RFPL1: variants seen among roughly 807,000 people sequenced by gnomAD.
RFPL1 encodes ret finger protein like 1.
Under a neutral mutation model 9.6 loss-of-function variants are expected in RFPL1, and 6 were observed. The ratio of observed to expected loss-of-function variants is 0.62; its 90% confidence interval spans 0.34 to 1.23. The LOEUF is 1.23. Among genes scored for constraint, RFPL1 ranks in the 50% most tolerant of loss-of-function variants. RFPL1 has a pLI of 0.03. For synonymous variants in RFPL1, 145 were observed against 149.4 expected, an observed-to-expected ratio of 0.97 and a Z score of 0.22; for missense variants, 352 against 398.4, an observed-to-expected ratio of 0.88 and a Z score of 0.99.
chr22:29,420,626 GTTTTTTGC>G, the RFPL1 span, among the ~76,000 whole-genome samples: 4 of 82,586 alleles, frequency 4.8e-5, 1 homozygote, highest in South Asian at 5.3e-4. Context: ...ACTGCAGATG[GTTTTTTGC>G]TTTTTTTTTT....
the RFPL1 span, among the ~76,000 whole-genome samples, chr22:29,397,149 T>A: frequency 6.6e-6 from 1 of 151,950 alleles, no homozygotes; most frequent in African/African-American, 2.4e-5. Context: ...GACCTCGTGA[T>A]CCGCCCACCT....
At chr22:29,408,782 G>A in the RFPL1 span, among the ~76,000 whole-genome samples, 1 of 152,174 alleles carries the variant, frequency 6.6e-6, no homozygotes, top group Non-Finnish European at 1.5e-5. Context: ...GGTAGTGAGT[G>A]TATTTCTCAG....
the RFPL1 span, among the ~76,000 whole-genome samples, chr22:29,415,795 T>C: frequency 1.3e-5 from 2 of 152,180 alleles, no homozygotes; most frequent in Non-Finnish European, 2.9e-5. Flanking sequence ...TGAGCAAGCA[T>C]GGGGTACGTG....
At chr22:29,392,899 G>A in the RFPL1 span, among the ~76,000 whole-genome samples, 1 of 152,150 alleles carries the variant, frequency 6.6e-6, no homozygotes, top group Non-Finnish European at 1.5e-5. Flanking sequence ...AGCCCCAGCT[G>A]TCATGAGTTT....
At chr22:29,419,513 G>A in the RFPL1 span, among the ~76,000 whole-genome samples, 27 of 152,196 alleles carry the variant, frequency 1.8e-4, no homozygotes, top group Admixed American at 3.3e-4. Flanking sequence ...ACTTTAAGAG[G>A]CTGAGGATCA....
chr22:29,420,748 C>T, the RFPL1 span, among the ~76,000 whole-genome samples: 1 of 146,594 alleles, frequency 6.8e-6, no homozygotes, highest in Non-Finnish European at 1.5e-5. Flanking sequence ...TCAAGCAATT[C>T]TCCTGCCTCA....
chr22:29,408,595 G>T, the RFPL1 span, among the ~76,000 whole-genome samples: 3 of 152,218 alleles, frequency 2.0e-5, no homozygotes, highest in Non-Finnish European at 4.4e-5. Flanking sequence ...CTCTGGAAGA[G>T]AAATGCTTTT....
At chr22:29,428,565 G>T in the RFPL1 span, among the ~76,000 whole-genome samples, 2 of 152,280 alleles carry the variant, frequency 1.3e-5, no homozygotes, top group East Asian at 3.9e-4. Context: ...CAGCACATGG[G>T]ATCCTCTCCA....
chr22:29,399,423 C>T, the RFPL1 span, among the ~76,000 whole-genome samples: 1 of 152,162 alleles, frequency 6.6e-6, no homozygotes, highest in African/African-American at 2.4e-5. Flanking sequence ...ATAGACCTCA[C>T]CTCAAGTCCA....
intron 1 of RFPL1, 165 bp downstream of exon 1, chr22:29,439,329 T>G (rs1347366372): frequency 5.5e-6 from 6 of 1,096,922 alleles, no homozygotes; most frequent in Non-Finnish European, 7.8e-6. Context: ...CAGAATCACC[T>G]GGTGATCTCC....
chr22:29,433,264 C>T, the RFPL1 span: 1 of 149,656 alleles, frequency 6.7e-6, no homozygotes, highest in Admixed American at 6.7e-5. Flanking sequence ...GCACTCCAGC[C>T]TGGGCAGCAG....
At chr22:29,392,295 G>A in the RFPL1 span, among the ~76,000 whole-genome samples, 1 of 144,526 alleles carries the variant, frequency 6.9e-6, no homozygotes, top group Non-Finnish European at 1.5e-5. Flanking sequence ...GACCAGGCTA[G>A]TCTTGAACTC....
At chr22:29,429,684 T>C in the RFPL1 span, among the ~76,000 whole-genome samples, 4 of 152,140 alleles carry the variant, frequency 2.6e-5, no homozygotes, top group Admixed American at 2.6e-4. Context: ...GGAAAAGAAG[T>C]CTTACTGGCC....
exon 2 of RFPL1, chr22:29,442,265 G>A: frequency 1.8e-6 from 1 of 560,652 alleles, no homozygotes; most frequent in Non-Finnish European, 2.9e-6. Flanking sequence ...AATCTAATTT[G>A]ATTAGTTTAT....
the RFPL1 span, among the ~76,000 whole-genome samples, chr22:29,415,200 C>T: frequency 6.6e-6 from 1 of 151,480 alleles, no homozygotes; most frequent in African/African-American, 2.4e-5. Flanking sequence ...AAAACCAAAA[C>T]CAAAGTGCTG....
the RFPL1 span, among the ~76,000 whole-genome samples, chr22:29,394,651 C>A: frequency 6.6e-6 from 1 of 152,236 alleles, no homozygotes. Flanking sequence ...CTGGCCAGTT[C>A]TTTGGGCCTC....
chr22:29,422,068 A>G, the RFPL1 span, among the ~76,000 whole-genome samples: 1 of 152,240 alleles, frequency 6.6e-6, no homozygotes, highest in Admixed American at 6.5e-5. Flanking sequence ...AGGGCTGGCC[A>G]GAAAGATGCT....
At chr22:29,441,367 A>G (rs1451259435) in intron 1 of RFPL1, 175 bp from the exon 2 acceptor site, 3 of 700,842 alleles carry the variant, frequency 4.3e-6, no homozygotes, top group Non-Finnish European at 7.1e-6. Flanking sequence ...GCCACAAAGC[A>G]TACCTATGAG....
chr22:29,419,658 C>T, the RFPL1 span, among the ~76,000 whole-genome samples: 1 of 151,818 alleles, frequency 6.6e-6, no homozygotes, highest in Middle Eastern at 3.4e-3. Flanking sequence ...AAAAAATCAG[C>T]GCGATTTTTT....
Sources: allele counts gnomAD v4.1 joint callset (sites outside exome capture counted in the v4.1 genomes callset), GRCh38; gene constraint gnomAD v4.1.1; transcripts MANE v1.5; gene names NCBI Gene and HGNC (gene_info 2026-07-23, HGNC 2026-07-21).